Variants in TEDC1 observed in about 807,000 individuals in gnomAD.
The protein encoded by TEDC1 is tubulin epsilon and delta complex protein 1.
TEDC1 carries 54 observed loss-of-function variants against 59.9 expected under a neutral mutation model. The observed-to-expected ratio is 0.90, with a 90% CI of 0.72 to 1.13. The LOEUF is 1.13. Ranked by LOEUF, TEDC1 falls within the 50% of genes most tolerant of loss-of-function variation. The pLI, the probability that TEDC1 is intolerant of heterozygous loss-of-function variation, is 0.00. For missense variants in TEDC1, 734 were observed against 683.4 expected (o/e 1.07, Z -0.83); for synonymous variants, 353 against 298.1 (o/e 1.18, Z -1.90).
At chr14:105,490,774 G>C (rs1478511837), upstream of TEDC1, 33 of 518,454 alleles carry the variant, frequency 6.4e-5, no homozygotes, top group Middle Eastern at 5.3e-4. Flanking sequence ...CCTGGAAGGC[G>C]GCGCGATGGG....
chr14:105,494,102 T>G (rs587682527), intron 5 of TEDC1, 169 bp downstream of exon 5: 7 of 626,968 alleles, frequency 1.1e-5, no homozygotes, highest in African/African-American at 9.2e-5. Flanking sequence ...ACAGACAGCT[T>G]CTCTGGGCCT....
chr14:105,498,127 G>A (rs1041145356), intron 8 of TEDC1, 150 bp downstream of exon 8: 2 of 1,022,736 alleles, frequency 2.0e-6, no homozygotes, highest in Middle Eastern at 6.5e-4. Flanking sequence ...GAGGGAGCGG[G>A]AGGGCACCTG....
chr14:105,493,293 AC>A (rs1366528112), intron 4 of TEDC1, among the ~76,000 whole-genome samples: 2 of 137,982 alleles, frequency 1.4e-5, no homozygotes, highest in Non-Finnish European at 3.2e-5. Flanking sequence ...CCCCCATCCC[AC>A]CCTTGCAGAG....
At chr14:105,491,850 G>A in intron 2 of TEDC1, 150 bp downstream of exon 2, 2 of 1,020,026 alleles carry the variant, frequency 2.0e-6, no homozygotes, top group Non-Finnish European at 2.8e-6. Context: ...CGCCTTCCCC[G>A]GTAAGCCACG....
upstream of TEDC1, chr14:105,490,410 A>T (rs1213307372): frequency 5.3e-5 from 8 of 152,190 alleles, no homozygotes; most frequent in African/African-American, 1.7e-4. Context: ...GAATGCCCGG[A>T]GGCGCCGCTG....
upstream of TEDC1, chr14:105,490,787 G>A (rs1193837733): frequency 1.3e-5 from 7 of 558,370 alleles, no homozygotes; most frequent in African/African-American, 3.8e-5. Flanking sequence ...GCGATGGGGC[G>A]AGGCTCGTCC....
chr14:105,491,994 C>T lies in TEDC1; in HGVS notation c.227-113C>T, dbSNP rs1376425540. On this transcript the variant is annotated intron_variant, in intron 2 of 8. Coordinates refer to ENST00000392523, the MANE Select transcript of TEDC1 (RefSeq NM_001367178.1). ...TCTAGCTCTCCCACTATCATCTCTT[C>T]TGAACTAGGCCTTGAGCTTCTGCTC... 6 of 1,154,668 alleles carry T rather than the reference C, an allele frequency of 5.2e-6. No individual in the cohort carries two copies. In the African/African-American group the frequency reaches 9.2e-5, roughly 18 times the overall value. The allele number at this position is 1,154,668 out of a possible 1,614,324, so 71.5% of individuals were successfully genotyped here. A position where few individuals can be genotyped will look rare whatever the true frequency, so the allele number is the denominator to read the frequency against.
rs373984350 is a variant in TEDC1 at position 105,498,590 on chromosome 14, G to C, written c.1159-27G>C. ...CTGAGGCCAGTGTCCTGGGGGGACA[G>C]AGCCATTGCCATTGTGTCCCACGCA... is the stretch of plus-strand genomic sequence containing the variant. On this transcript the variant is annotated intron_variant, in intron 8 of 8. Transcript: ENST00000392523. 78 of 1,510,650 alleles carry C rather than the reference G, an allele frequency of 5.2e-5. No homozygotes were observed. The African/African-American group carries it at 9.1e-4, about 18-fold the overall frequency. The allele number at this position is 1,510,650 out of a possible 1,614,324, so 93.6% of individuals were successfully genotyped here.
At chr14:105,490,852 G>A, upstream of TEDC1, 1 of 687,486 alleles carries the variant, frequency 1.5e-6, no homozygotes, top group Admixed American at 2.3e-5. Flanking sequence ...GCGCGCTCCC[G>A]CCCGGCGGTT....
At chr14:105,498,057 T>G in intron 8 of TEDC1, 80 bp downstream of exon 8, 1 of 1,399,544 alleles carries the variant, frequency 7.1e-7, no homozygotes, top group Non-Finnish European at 9.4e-7. Context: ...TTGGACTTGC[T>G]GAATCCTACA....
intron 5 of TEDC1, 182 bp from the exon 6 acceptor site, chr14:105,495,698 G>A (rs2084328673): frequency 3.3e-6 from 2 of 600,982 alleles, no homozygotes; most frequent in Non-Finnish European, 5.8e-6. Context: ...CTGGCCCCTG[G>A]GACCCCTGGG....
chr14:105,492,893 C>T (rs997028153), intron 4 of TEDC1, among the ~76,000 whole-genome samples, 159 bp downstream of exon 4: 11 of 152,110 alleles, frequency 7.2e-5, no homozygotes, highest in East Asian at 1.9e-4. Flanking sequence ...CCGTGGTTCC[C>T]GGTGGTCCTT....
chr14:105,497,802 C>T lies in TEDC1; in HGVS notation c.983C>T (p.Thr328Met), dbSNP rs373766264. Residue 328 changes from threonine (T) to methionine (M), a missense_variant, in exon 8 of 9, where the codon ACG becomes ATG. Transcript: ENST00000392523. ...GTCTCACTTGGGTCTCTGTAGGACA[C>T]GGTCCTGGGCACCTGTGCCCCGGAG... ...SELVFWRWMD[T>M]VLGTCAPEVP... 99 of 1,556,552 alleles carry T rather than the reference C, an allele frequency of 6.4e-5. No individual in the cohort carries two copies. The highest frequency in any genetic ancestry group is 4.0e-4 in the East Asian group (17 of 42,858).
At chr14:105,491,753 C>G (rs587656091) in intron 2 of TEDC1, 53 bp downstream of exon 2, 33 of 1,511,714 alleles carry the variant, frequency 2.2e-5, no homozygotes, top group Admixed American at 2.0e-4. Context: ...CCGCCTACTC[C>G]TGTAAAGCCC....
chr14:105,498,525 G>A (rs587700057), intron 8 of TEDC1, 92 bp from the exon 9 acceptor site: 346 of 1,356,170 alleles, frequency 2.6e-4, no homozygotes, highest in Middle Eastern at 7.8e-4. Context: ...TGCCTGCAGC[G>A]CCTGCACCTG....
At chr14:105,490,741 C>A, upstream of TEDC1, 2 of 442,382 alleles carry the variant, frequency 4.5e-6, no homozygotes, top group Non-Finnish European at 8.3e-6. Flanking sequence ...GCGGCGGGCT[C>A]TGGGCGCCTC....
chr14:105,492,461 C>G, intron 3 of TEDC1, 118 bp from the exon 4 acceptor site: 1 of 1,464,212 alleles, frequency 6.8e-7, no homozygotes, highest in South Asian at 1.3e-5. Context: ...AGCACGGAGG[C>G]TCCCTGTGCA....
At chr14:105,493,264 G>T (rs1051521659) in intron 4 of TEDC1, among the ~76,000 whole-genome samples, 1 of 152,122 alleles carries the variant, frequency 6.6e-6, no homozygotes, top group African/African-American at 2.4e-5. Context: ...TCCCACCAGC[G>T]CGGGACTCCT....
chr14:105,493,981 CACA>C, intron 5 of TEDC1, 48 bp downstream of exon 5: 2 of 456,846 alleles, frequency 4.4e-6, no homozygotes, highest in East Asian at 8.7e-5. Flanking sequence ...GGCTGGGGGG[CACA>C]GCAGGGGGAC....
Sources: allele counts gnomAD v4.1 joint callset (sites outside exome capture counted in the v4.1 genomes callset), GRCh38; gene constraint gnomAD v4.1.1; transcripts MANE v1.5; gene names NCBI Gene and HGNC (gene_info 2026-07-23, HGNC 2026-07-21).